DGKB: variants seen among roughly 807,000 people sequenced by gnomAD.
The protein encoded by DGKB is diacylglycerol kinase beta.
In DGKB, 67 loss-of-function variants were observed where a neutral mutation model predicts 114.3. The ratio of observed to expected loss-of-function variants is 0.59; its 90% CI spans 0.48 to 0.72. The LOEUF is 0.72. Among genes scored for constraint, DGKB ranks in the 30% least tolerant of loss-of-function variants. DGKB has a pLI of 0.00. For missense variants in DGKB, 907 were observed against 975.2 expected, an observed-to-expected ratio of 0.93 and a Z score of 0.93; for synonymous variants, 398 against 323.1, an observed-to-expected ratio of 1.23 and a Z score of -2.49.
At chr7:14,865,715 AG>A (rs1179669305) in intron 1 of DGKB, among the ~76,000 whole-genome samples, 1 of 152,272 alleles carries the variant, frequency 6.6e-6, no homozygotes, top group African/African-American at 2.4e-5. Context: ...TCCAGGGTGG[AG>A]TTGAAGTCGA....
At chr7:14,436,574 A>C (rs1397465647) in intron 21 of DGKB, among the ~76,000 whole-genome samples, 1 of 152,062 alleles carries the variant, frequency 6.6e-6, no homozygotes, top group African/African-American at 2.4e-5. Flanking sequence ...TTTCCCTAGA[A>C]AAAGCAGATC....
chr7:14,540,896 G>C (rs867757169), intron 20 of DGKB, among the ~76,000 whole-genome samples: 2 of 152,122 alleles, frequency 1.3e-5, no homozygotes, highest in African/African-American at 4.8e-5. Flanking sequence ...AGCCTTGATA[G>C]AACCTTTTGA....
chr7:14,803,941 G>C lies in DGKB; in HGVS notation c.70+37253C>G, dbSNP rs190965382. ...AAAATGAACATCTCCCTTAGTTTCTGTGGAATCATTATCCAGAATTTTAGT... is the reference window on the plus strand; with the variant it reads ...AAAATGAACATCTCCCTTAGTTTCTCTGGAATCATTATCCAGAATTTTAGT... On this transcript the variant is annotated intron_variant, in intron 2 of 25. Transcript: ENST00000402815. 2.6e-3 allele frequency among the ~76,000 whole-genome samples: 396 copies of C among 152,118 alleles called. 1 individual carries two copies. Among genetic ancestry groups the C allele is most frequent in the Non-Finnish European group, 3.8e-3 (260 of 67,952 alleles).
chr7:14,499,338 C>T (rs1785774112), intron 20 of DGKB, among the ~76,000 whole-genome samples: 1 of 151,560 alleles, frequency 6.6e-6, no homozygotes, highest in South Asian at 2.1e-4. Context: ...GGAAGCAAGT[C>T]TTCATTTGAT....
At chr7:14,940,432 G>A (rs1206654233) in intron 1 of DGKB, among the ~76,000 whole-genome samples, 5 of 151,384 alleles carry the variant, frequency 3.3e-5, no homozygotes, top group Non-Finnish European at 7.4e-5. Flanking sequence ...TAATTCTGCT[G>A]AGAAGAACAG....
At chr7:14,336,524 C>G (rs1810702965) in intron 23 of DGKB, among the ~76,000 whole-genome samples, 1 of 152,090 alleles carries the variant, frequency 6.6e-6, no homozygotes, top group South Asian at 2.1e-4. Context: ...AAATGTATTA[C>G]TAAGTCACAA....
rs1483786095 is a variant in DGKB at position 14,147,925 on chromosome 7, A to G, written c.*1206T>C. The G allele has an allele frequency of 6.6e-6, 1 of 152,186 alleles. No individual in the cohort carries two copies. Among genetic ancestry groups the G allele is most frequent in the Non-Finnish European group, 1.5e-5 (1 of 68,010 alleles). The allele number at this position is 152,186 out of a possible 1,614,324, so 9.4% of individuals were successfully genotyped here. A position where few individuals can be genotyped will look rare whatever the true frequency, so the allele number is the denominator to read the frequency against. On this transcript the variant is annotated 3_prime_UTR_variant, in exon 26 of 26. Transcript: ENST00000402815. Reference sequence around the variant, plus strand: ...CAAATAAACATTTGAAATGTCATAAAGATGGGAGTGGAGTAGGTGAGGAGG... The same window carrying G: ...CAAATAAACATTTGAAATGTCATAAGGATGGGAGTGGAGTAGGTGAGGAGG...
intron 23 of DGKB, among the ~76,000 whole-genome samples, chr7:14,184,393 C>A (rs945581719): frequency 1.3e-5 from 2 of 152,056 alleles, no homozygotes; most frequent in East Asian, 1.9e-4. Flanking sequence ...GTTTTCAGGC[C>A]GGTCTCACCT....
chr7:14,277,179 T>TA (rs1269436654), intron 23 of DGKB, among the ~76,000 whole-genome samples: 3 of 60,314 alleles, frequency 5.0e-5, no homozygotes, highest in African/African-American at 1.1e-4. Flanking sequence ...TAGTTTATTT[T>TA]ATTTTTTTTG....
At chr7:14,332,595 T>C (rs775963452) in intron 23 of DGKB, among the ~76,000 whole-genome samples, 3 of 152,220 alleles carry the variant, frequency 2.0e-5, no homozygotes, top group Non-Finnish European at 4.4e-5. Flanking sequence ...TTGAATTAAT[T>C]TTTAAAAGAA....
intron 2 of DGKB, among the ~76,000 whole-genome samples, chr7:14,788,592 C>A (rs533200347): frequency 6.6e-6 from 1 of 152,166 alleles, no homozygotes; most frequent in South Asian, 2.1e-4. Context: ...TAACAGACAA[C>A]TATGGGTAGC....
intron 13 of DGKB, among the ~76,000 whole-genome samples, chr7:14,670,643 T>C (rs1818818805): frequency 6.6e-6 from 1 of 152,048 alleles, no homozygotes; most frequent in Non-Finnish European, 1.5e-5. Context: ...ATACTGTACA[T>C]TGGATTTCTA....
intron 13 of DGKB, among the ~76,000 whole-genome samples, chr7:14,655,684 C>A (rs886880019): frequency 2.0e-5 from 3 of 151,566 alleles, no homozygotes; most frequent in Non-Finnish European, 4.4e-5. Context: ...TATATATGCA[C>A]AATGGAATAC....
At chr7:14,705,468 C>T (rs972249482) in intron 6 of DGKB, among the ~76,000 whole-genome samples, 21 of 151,478 alleles carry the variant, frequency 1.4e-4, no homozygotes, top group East Asian at 9.8e-4. Flanking sequence ...ATACAGAGAA[C>T]GCCACAAAGA....
chr7:14,966,113 T>A (rs1437535809), intron 1 of DGKB, among the ~76,000 whole-genome samples: 3 of 152,130 alleles, frequency 2.0e-5, no homozygotes, highest in African/African-American at 7.2e-5. Context: ...TAATATTGGT[T>A]GAAGTTTTTT....
At chr7:14,691,076 T>G (rs12699654) in intron 9 of DGKB, among the ~76,000 whole-genome samples, 65,046 of 152,030 alleles carry the variant, frequency 0.43, 15,581 homozygotes, top group East Asian at 0.87. Context: ...ACTCCATTTC[T>G]GATTTTGGTA....
At chr7:14,892,762 AACCTAAAT>A (rs925360888) in intron 1 of DGKB, among the ~76,000 whole-genome samples, 4 of 151,038 alleles carry the variant, frequency 2.6e-5, no homozygotes, top group African/African-American at 9.7e-5. Context: ...ATGACTATAA[AACCTAAAT>A]ACCTGTTCAA....
intron 20 of DGKB, among the ~76,000 whole-genome samples, chr7:14,538,613 T>C (rs1449271187): frequency 2.0e-5 from 3 of 152,204 alleles, no homozygotes; most frequent in African/African-American, 7.2e-5. Context: ...CCATATGTTC[T>C]AGTGATCCCA....
intron 14 of DGKB, among the ~76,000 whole-genome samples, chr7:14,628,344 CAAGTT>C (rs1226932453): frequency 7.2e-5 from 9 of 125,724 alleles, no homozygotes; most frequent in African/African-American, 1.4e-4. Context: ...GAGGAGTGGT[CAAGTT>C]AAGTTTAGAG....
Sources: allele counts gnomAD v4.1 joint callset (sites outside exome capture counted in the v4.1 genomes callset), GRCh38; gene constraint gnomAD v4.1.1; transcripts MANE v1.5; gene names NCBI Gene and HGNC (gene_info 2026-07-23, HGNC 2026-07-21).